NBPF26: variants seen among roughly 807,000 people sequenced by gnomAD.
NBPF26 encodes the protein NBPF member 26, also known as NBPF family member NBPF26.
Under a neutral mutation model 119.6 loss-of-function variants are expected in NBPF26, and 79 were observed. That is an observed-to-expected ratio of 0.66 (90% confidence interval 0.55 to 0.80). The LOEUF (loss-of-function observed/expected upper bound fraction) is 0.80, where lower values mean the gene tolerates loss of function less well. NBPF26 is among the 30% of genes least tolerant of loss of function. The pLI is 0.00. For missense variants in NBPF26, 800 were observed against 1,198.2 expected (o/e 0.67, Z 4.91); for synonymous variants, 299 against 457.7 (o/e 0.65, Z 4.43).
chr1:120,810,730 G>A (rs1235233601), intron 9 of NBPF26, among the ~76,000 whole-genome samples, 172 bp downstream of exon 9: 5 of 113,306 alleles, frequency 4.4e-5, no homozygotes, highest in East Asian at 2.1e-4. Context: ...CAAGTGGGAC[G>A]ATGACTTGAG....
chr1:120,801,709 G>A (rs1553269033), intron 4 of NBPF26, among the ~76,000 whole-genome samples: 3 of 105,426 alleles, frequency 2.8e-5, no homozygotes, highest in African/African-American at 1.8e-4. Flanking sequence ...TGTGCCTAGA[G>A]TTCCAACTAC....
intron 18 of NBPF26, among the ~76,000 whole-genome samples, chr1:120,825,124 A>G (rs1404929217): frequency 8.2e-6 from 1 of 122,110 alleles, no homozygotes; most frequent in Non-Finnish European, 1.6e-5. Context: ...TAGGTTGACC[A>G]TACCTCAAAG....
In NBPF26 at chr1:120,790,382, C is replaced by T. The variant is rs1427661668; in HGVS notation, c.416-2779C>T. On this transcript the variant is annotated intron_variant, in intron 3 of 29. Coordinates refer to ENST00000620612, the Ensembl canonical transcript of NBPF26. ...TTTAGGAATCATCACAGATCAAGGT[C>T]ATCCTTTTGGTTTTTGTGATAGCAC... Among the ~76,000 whole-genome samples the T allele has an allele frequency of 4.4e-5, 5 of 114,856 alleles. 2 individuals carry two copies. The highest frequency in any genetic ancestry group is 2.6e-4 in the African/African-American group (5 of 19,140). 75.3% of individuals were successfully genotyped at this position (114,856 alleles called of 152,430 possible).
At chr1:120,823,762 G>GTGTGTGTGTGTC (rs1652186745) in intron 17 of NBPF26, among the ~76,000 whole-genome samples, 1 of 105,808 alleles carries the variant, frequency 9.5e-6, no homozygotes, top group Non-Finnish European at 1.8e-5. Flanking sequence ...CTGTGTGTGT[G>GTGTGTGTGTGTC]TGTGTGTGTG....
chr1:120,794,381 G>C (rs1651533686), intron 4 of NBPF26, among the ~76,000 whole-genome samples: 1 of 112,818 alleles, frequency 8.9e-6, no homozygotes, highest in Non-Finnish European at 1.7e-5. Flanking sequence ...AGCTGAAGCA[G>C]ATGAATTACT....
chr1:120,747,463 C>G (rs1650990145), intron 1 of NBPF26, among the ~76,000 whole-genome samples: 1 of 29,388 alleles, frequency 3.4e-5, no homozygotes, highest in Admixed American at 2.9e-4. Context: ...CATATGTATC[C>G]TACTTTATGA....
At chr1:120,804,791 C>A (rs1651639145) in intron 4 of NBPF26, among the ~76,000 whole-genome samples, 1 of 117,134 alleles carries the variant, frequency 8.5e-6, no homozygotes, top group South Asian at 2.5e-4. Flanking sequence ...AAGAAGAAAT[C>A]AATCTAACAA....
rs1389141540 is a variant in NBPF26, at chr1:120,817,948, C to T, written c.2372-175C>T. 1.7e-5 allele frequency among the ~76,000 whole-genome samples: 2 copies of T among 116,412 alleles called. 1 individual carries two copies. The highest frequency in any genetic ancestry group is 5.0e-4 in the South Asian group (2 of 4,030). The allele number at this position is 116,412 out of a possible 152,430, so 76.4% of individuals were successfully genotyped here. ...GATTTTGGCCTGTGGGTCTGGAAAG[C>T]AGGGTCATCTAATTCTCACCAAAGT... On this transcript the variant is annotated intron_variant, in intron 14 of 29. Coordinates refer to ENST00000620612, the Ensembl canonical transcript of NBPF26.
Position 120,790,141 on chromosome 1 carries a change from G to C in NBPF26, c.416-3020G>C, listed in dbSNP as rs1359636008. 1.4e-4 allele frequency among the ~76,000 whole-genome samples: 13 copies of C among 95,892 alleles called. 5 individuals carry two copies. The highest frequency in any genetic ancestry group is 2.9e-4 in the African/African-American group (4 of 13,742). The allele number at this position is 95,892 out of a possible 152,430, so 62.9% of individuals were successfully genotyped here. A position where few individuals can be genotyped will look rare whatever the true frequency, so the allele number is the denominator to read the frequency against. On this transcript the variant is annotated intron_variant, in intron 3 of 29. Transcript: ENST00000620612. The stretch of plus-strand genomic sequence containing the variant: ...CGCCATTCTTCTGCCTCAGCCTCCT[G>C]AGTAGCTGGGACTACAGGCACCTAC...
rs2101409071 is a variant in NBPF26, at chr1:120,763,646, G to A, written c.92G>A (p.Gly31Asp). The change falls in exon 2 of 30, where the codon GGC becomes GAC. Residue 31 changes from glycine to aspartate, a missense_variant. Coordinates refer to ENST00000620612, the Ensembl canonical transcript of NBPF26. ...TTTTTAGCATTGCAGTGTCGAGATG[G>A]CTATGAACCCTGTGTAAATAAAGGA... 5.8e-5 allele frequency: 81 copies of A among 1,402,612 alleles called. 13 individuals are homozygous for A. In the East Asian group the frequency reaches 1.8e-3, roughly 32 times the overall value. The allele number at this position is 1,402,612 out of a possible 1,614,324, so 86.9% of individuals were successfully genotyped here. A position where few individuals can be genotyped will look rare whatever the true frequency, so the allele number is the denominator to read the frequency against.
At chr1:120,802,831 G>A (rs1651597813) in intron 4 of NBPF26, among the ~76,000 whole-genome samples, 1 of 109,138 alleles carries the variant, frequency 9.2e-6, no homozygotes, top group Non-Finnish European at 1.7e-5. Context: ...CCCTTAAAAA[G>A]GGAAAGTGTT....
chr1:120,790,590 TTCTCTTTC>T (rs1651480448), intron 3 of NBPF26, among the ~76,000 whole-genome samples: 1 of 88,570 alleles, frequency 1.1e-5, no homozygotes, highest in South Asian at 3.4e-4. Context: ...CTTTCTTTCT[TTCTCTTTC>T]TCTCTCTTTC....
chr1:120,823,613 A>T (rs1329609988), intron 17 of NBPF26, among the ~76,000 whole-genome samples: 2 of 124,190 alleles, frequency 1.6e-5, no homozygotes, highest in East Asian at 2.0e-4. Context: ...CTGCAGGGAA[A>T]CTTGACCACA....
At chr1:120,745,120 CAAA>C (rs1180453854) in intron 1 of NBPF26, among the ~76,000 whole-genome samples, 1 of 36,570 alleles carries the variant, frequency 2.7e-5, no homozygotes, top group East Asian at 5.2e-4. Context: ...ATCCTGTCTC[CAAA>C]AAAAAAAAAA....
rs1303867603 is a variant in NBPF26, at chr1:120,807,989, C to A, written c.1064+280C>A. On this transcript the variant is annotated intron_variant, in intron 6 of 29. Coordinates refer to ENST00000620612, the Ensembl canonical transcript of NBPF26. ...AATTTACCAAAGGAGTGGGAACCAC[C>A]CAGCAGCATTCAGTATAATCAAAAT... 2.5e-5 allele frequency among the ~76,000 whole-genome samples: 3 copies of A among 121,906 alleles called. 1 individual carries two copies. The highest frequency in any genetic ancestry group is 1.7e-5 in the Non-Finnish European group (1 of 60,282). The allele number at this position is 121,906 out of a possible 152,430, so 80.0% of individuals were successfully genotyped here. A position where few individuals can be genotyped will look rare whatever the true frequency, so the allele number is the denominator to read the frequency against.
Position 120,790,572 on chromosome 1 carries a change from CT to C in NBPF26, c.416-2586del, listed in dbSNP as rs1651478705. 1.9e-5 allele frequency among the ~76,000 whole-genome samples: 2 copies of C among 104,290 alleles called. 1 individual carries two copies. The highest frequency in any genetic ancestry group is 3.5e-5 in the Non-Finnish European group (2 of 56,518). The allele number at this position is 104,290 out of a possible 152,430, so 68.4% of individuals were successfully genotyped here. ...TCTTTCTTTCTTTCTTTCTTTCTTT[CT>C]TTCTTTCTTTCTTTCTTTCTCTTTC... On this transcript the variant is annotated intron_variant, in intron 3 of 29. Coordinates refer to ENST00000620612, the Ensembl canonical transcript of NBPF26.
chr1:120,807,904 A>C lies in NBPF26; in HGVS notation c.1064+195A>C, dbSNP rs1371818150. Among the ~76,000 whole-genome samples, 3 of 121,644 alleles carry C rather than the reference A, an allele frequency of 2.5e-5. 1 individual carries two copies. Among genetic ancestry groups the C allele is most frequent in the Non-Finnish European group, 5.0e-5 (3 of 60,478 alleles). 79.8% of individuals were successfully genotyped at this position (121,644 alleles called of 152,430 possible). A position where few individuals can be genotyped will look rare whatever the true frequency, so the allele number is the denominator to read the frequency against. On this transcript the variant is annotated intron_variant, in intron 6 of 29. Transcript: ENST00000620612. ...AATGTATGGGTTGCAGTTGTTTCTC[A>C]GAGCCTTGTTTTCTCTTTTTCAAAC...
downstream of NBPF26, among the ~76,000 whole-genome samples, chr1:120,842,079 T>C (rs1652530108): frequency 9.3e-6 from 1 of 107,028 alleles, no homozygotes; most frequent in Non-Finnish European, 1.7e-5. Context: ...AAAGTTAATT[T>C]TAATCTATAC....
At chr1:120,796,585 C>CTCTTA (rs1491478962) in intron 4 of NBPF26, among the ~76,000 whole-genome samples, 1 of 24,082 alleles carries the variant, frequency 4.2e-5, no homozygotes, top group African/African-American at 5.7e-4. Context: ...TTTTCTGTAA[C>CTCTTA]TCTTATCTTC....
Sources: allele counts gnomAD v4.1 joint callset (sites outside exome capture counted in the v4.1 genomes callset), GRCh38; gene constraint gnomAD v4.1.1; transcripts MANE v1.5; gene names NCBI Gene and HGNC (gene_info 2026-07-23, HGNC 2026-07-21).